LTBP1: variants seen among roughly 807,000 people sequenced by gnomAD.
LTBP1 encodes the protein latent-transforming growth factor beta-binding protein 1.
A neutral mutation model predicts 207.6 loss-of-function variants in LTBP1; 129 were observed. The ratio of observed to expected loss-of-function variants is 0.62; its 90% confidence interval spans 0.54 to 0.72. The LOEUF is 0.72. Among genes scored for constraint, LTBP1 ranks in the 30% least tolerant of loss-of-function variants. LTBP1 has a pLI of 0.00. For missense variants in LTBP1, 2,281 were observed against 2,217.2 expected (o/e 1.03, Z -0.58); for synonymous variants, 963 against 833.7 (o/e 1.16, Z -2.67).
chr2:33,152,581 A>C (rs533435343), intron 5 of LTBP1, among the ~76,000 whole-genome samples: 1 of 152,318 alleles, frequency 6.6e-6, no homozygotes, highest in Non-Finnish European at 1.5e-5. Context: ...AACCCAGAGG[A>C]AAAGAAGTCA....
At chr2:33,004,814 T>TATATATATATATATATAA (rs1178147190) in intron 2 of LTBP1, among the ~76,000 whole-genome samples, 92 of 136,530 alleles carry the variant, frequency 6.7e-4, no homozygotes, top group Non-Finnish European at 1.1e-3. Context: ...TATATATATA[T>TATATATATATATATATAA]AAACATAAAA....
intron 2 of LTBP1, among the ~76,000 whole-genome samples, chr2:32,995,610 T>C (rs1167019932): frequency 6.6e-6 from 1 of 151,938 alleles, no homozygotes; most frequent in Non-Finnish European, 1.5e-5. Context: ...TGAAACCCCA[T>C]CTCTACTAAA....
At chr2:33,128,891 A>G (rs978718139) in intron 4 of LTBP1, among the ~76,000 whole-genome samples, 1 of 152,232 alleles carries the variant, frequency 6.6e-6, no homozygotes, top group Non-Finnish European at 1.5e-5. Context: ...AGCATTTCAA[A>G]TACTACTATC....
At chr2:33,213,148 TGTA>T (rs1368769857) in intron 7 of LTBP1, among the ~76,000 whole-genome samples, 2 of 152,174 alleles carry the variant, frequency 1.3e-5, no homozygotes, top group Non-Finnish European at 2.9e-5. Context: ...TGTGTAGGGT[TGTA>T]GTGTCCCTTA....
intron 12 of LTBP1, among the ~76,000 whole-genome samples, chr2:33,258,480 G>T (rs1023786832): frequency 6.6e-6 from 1 of 152,110 alleles, no homozygotes; most frequent in Admixed American, 6.5e-5. Context: ...GAACGTTTGT[G>T]TGTTCTGGCC....
In LTBP1 at chr2:33,243,644, A is replaced by G. The variant is rs756737225; in HGVS notation, c.1877-18A>G. 10 of 1,612,708 alleles carry G rather than the reference A, an allele frequency of 6.2e-6. No individual in the cohort carries two copies. Among genetic ancestry groups the G allele is most frequent in the Non-Finnish European group, 8.5e-6 (10 of 1,179,246 alleles). On this transcript the variant is annotated intron_variant, in intron 9 of 33. Transcript: ENST00000404816. ...TGGGGCTTGACTGCTCCTTCTAAAG[A>G]ATTGTGTTTTCCTGCAGATATTAAT...
chr2:33,211,426 G>T (rs1323755331), intron 7 of LTBP1, among the ~76,000 whole-genome samples: 2 of 152,194 alleles, frequency 1.3e-5, no homozygotes, highest in South Asian at 4.1e-4. Context: ...CCACACAGGG[G>T]TTGATGGAGT....
chr2:33,354,006 C>T (rs2094820476), intron 26 of LTBP1, among the ~76,000 whole-genome samples: 1 of 151,956 alleles, frequency 6.6e-6, no homozygotes, highest in Non-Finnish European at 1.5e-5. Context: ...ACTACAGGCT[C>T]CCGCCACCAT....
intron 6 of LTBP1, among the ~76,000 whole-genome samples, chr2:33,188,336 G>A (rs1326399008): frequency 2.0e-5 from 3 of 147,888 alleles, no homozygotes; most frequent in Non-Finnish European, 4.4e-5. Flanking sequence ...CAGGAGAATC[G>A]CTTGAACCTG....
At chr2:32,983,999 C>G (rs1683161074) in intron 2 of LTBP1, among the ~76,000 whole-genome samples, 2 of 152,210 alleles carry the variant, frequency 1.3e-5, no homozygotes, top group African/African-American at 4.8e-5. Flanking sequence ...ATCTAAGACA[C>G]TTGTTTTAAG....
At chr2:33,380,023 C>A (rs2095193978) in intron 31 of LTBP1, among the ~76,000 whole-genome samples, 5 of 152,124 alleles carry the variant, frequency 3.3e-5, no homozygotes, top group Admixed American at 3.3e-4. Flanking sequence ...TAAAAGAAAA[C>A]AAAATTTATC....
intron 5 of LTBP1, among the ~76,000 whole-genome samples, chr2:33,167,761 G>C (rs2085056235): frequency 6.6e-6 from 1 of 152,194 alleles, no homozygotes; most frequent in South Asian, 2.1e-4. Context: ...CAAGTGTTCA[G>C]GATGACTGAG....
intron 15 of LTBP1, among the ~76,000 whole-genome samples, chr2:33,269,340 A>G (rs1450632489): frequency 6.6e-6 from 1 of 152,072 alleles, no homozygotes; most frequent in Non-Finnish European, 1.5e-5. Context: ...CATATTCTAG[A>G]TGGACTCCAG....
intron 15 of LTBP1, among the ~76,000 whole-genome samples, chr2:33,271,343 G>A (rs995003377): frequency 5.3e-5 from 8 of 151,066 alleles, no homozygotes; most frequent in Non-Finnish European, 8.8e-5. Flanking sequence ...TCTGCTTTAT[G>A]AAAATGTCAG....
chr2:32,973,114 G>GTT lies in LTBP1; in HGVS notation c.565+24176_565+24177dup, dbSNP rs58016087. Reference sequence around the variant, plus strand: ...TGAAGATGAAAAGAATGTCTATTCTGTTTTTTTTGTTGTTGAGACTTCTGT... The same window carrying GTT: ...TGAAGATGAAAAGAATGTCTATTCTGTTTTTTTTTTGTTGTTGAGACTTCTGT... On this transcript the variant is annotated intron_variant, in intron 2 of 33. Coordinates refer to ENST00000404816, the MANE Select transcript of LTBP1 (RefSeq NM_206943.4). 1.6e-3 allele frequency among the ~76,000 whole-genome samples: 237 copies of GTT among 151,832 alleles called. 4 individuals are homozygous for GTT. Among genetic ancestry groups the GTT allele is most frequent in the African/African-American group, 5.3e-3 (220 of 41,404 alleles).
At chr2:33,059,754 G>A (rs75584840) in intron 3 of LTBP1, among the ~76,000 whole-genome samples, 14,755 of 152,190 alleles carry the variant, frequency 0.097, 946 homozygotes, top group Non-Finnish European at 0.14. Context: ...AATAGTTATA[G>A]TAGACTTTTC....
intron 5 of LTBP1, among the ~76,000 whole-genome samples, chr2:33,160,067 TG>T (rs2084327049): frequency 6.6e-6 from 1 of 152,090 alleles, no homozygotes; most frequent in African/African-American, 2.4e-5. Context: ...TTGGTAGAGA[TG>T]GGGTTTCACC....
intron 19 of LTBP1, among the ~76,000 whole-genome samples, chr2:33,281,796 A>T (rs959103318): frequency 6.6e-6 from 1 of 152,194 alleles, no homozygotes; most frequent in Non-Finnish European, 1.5e-5. Context: ...CTGACCAAAA[A>T]GTATTAATAT....
At chr2:33,068,191 G>A (rs2077614404) in intron 3 of LTBP1, among the ~76,000 whole-genome samples, 1 of 151,502 alleles carries the variant, frequency 6.6e-6, no homozygotes, top group Admixed American at 6.6e-5. Context: ...GTAAACATAT[G>A]TTTTTATTTC....
Sources: gnomAD v4.1 joint callset for allele counts (sites outside exome capture counted in the v4.1 genomes callset) on GRCh38, gnomAD v4.1.1 for gene constraint, MANE v1.5 for transcripts, NCBI Gene and HGNC (gene_info 2026-07-23, HGNC 2026-07-21) for gene names.